PTPRC: variants seen among roughly 807,000 people sequenced by gnomAD.
The protein encoded by PTPRC is protein tyrosine phosphatase receptor type C.
PTPRC carries 44 observed loss-of-function variants against 155.9 expected under a neutral mutation model. The observed-to-expected ratio is 0.28, with a 90% CI of 0.22 to 0.36. The LOEUF is 0.36. Among genes scored for constraint, PTPRC ranks in the 10% least tolerant of loss-of-function variants. The pLI is 1.00. For synonymous variants in PTPRC, 525 were observed against 533.1 expected (o/e 0.98, Z 0.21); for missense variants, 1,401 against 1,564.6 (o/e 0.90, Z 1.76).
In PTPRC at chr1:198,689,384, A is replaced by T. The variant is rs61829747; in HGVS notation, c.74-2963A>T. Among the ~76,000 whole-genome samples the T allele has an allele frequency of 1.0e-2, 1,523 of 152,310 alleles. 14 individuals carry two copies. The highest frequency in any genetic ancestry group is 0.024 in the South Asian group (117 of 4,830). The stretch of plus-strand genomic sequence containing the variant: ...TTTTCTTCTCATTTCTGTGGTAAAC[A>T]GATGATGAATTATAATTTTCTTTTA... On this transcript the variant is annotated intron_variant, in intron 2 of 32. Transcript: ENST00000442510.
chr1:198,662,704 C>T (rs1017268734), intron 2 of PTPRC, among the ~76,000 whole-genome samples: 6 of 152,124 alleles, frequency 3.9e-5, no homozygotes, highest in African/African-American at 1.4e-4. Flanking sequence ...CCACTTTCCA[C>T]ACATTGACCA....
chr1:198,711,766 C>A (rs1653322517), intron 11 of PTPRC, among the ~76,000 whole-genome samples: 1 of 151,988 alleles, frequency 6.6e-6, no homozygotes, highest in Non-Finnish European at 1.5e-5. Flanking sequence ...CTTTCAGCTG[C>A]AAAATAAGGA....
In PTPRC at chr1:198,722,404, A is replaced by T; in HGVS notation, c.1660-12A>T. ...CAAACTAATTATTTTATTTTTTGTT[A>T]CTGAAATTCAGGCCTATTTTCACAA... On this transcript the variant is annotated splice_polypyrimidine_tract_variant and intron_variant, in intron 14 of 32. Transcript: ENST00000442510. 1 of 1,398,030 alleles carries T rather than the reference A, an allele frequency of 7.2e-7. No individual in the cohort carries two copies. The highest frequency in any genetic ancestry group is 1.8e-5 in the South Asian group (1 of 56,972). The allele number at this position is 1,398,030 out of a possible 1,614,324, so 86.6% of individuals were successfully genotyped here. A position where few individuals can be genotyped will look rare whatever the true frequency, so the allele number is the denominator to read the frequency against.
At position 198,749,529 on chromosome 1, in the gene PTPRC, A is replaced by C; in HGVS notation, c.3052A>C (p.Ile1018Leu). 1 of 1,611,028 alleles carries C rather than the reference A, an allele frequency of 6.2e-7. No homozygotes were observed. The highest frequency in any genetic ancestry group is 8.5e-7 in the Non-Finnish European group (1 of 1,178,216). ...TGATTCAGAGGAACCAAGCAAATAC[A>C]TCAATGCATCTTTTATAATGGTAGG... ...DSDSEEPSKY[I>L]NASFIMSYWK... Residue 1018 changes from isoleucine (I) to leucine (L), a missense_variant, in exon 28 of 33, where the codon ATC becomes CTC. Ile to Leu is a conservative substitution (Grantham distance 5). This residue lies in a region of PTPRC where 400 missense variants were observed against 389.5 expected (regional missense o/e 1.03). Coordinates refer to ENST00000442510, the MANE Select transcript of PTPRC (RefSeq NM_002838.5).
intron 2 of PTPRC, among the ~76,000 whole-genome samples, chr1:198,647,859 A>G (rs1260546372): frequency 1.3e-5 from 2 of 151,804 alleles, no homozygotes; most frequent in Non-Finnish European, 2.9e-5. Context: ...TGAAGCCCGT[A>G]TTTTCTATCA....
At chr1:198,738,647 A>G (rs995834484) in intron 23 of PTPRC, among the ~76,000 whole-genome samples, 1 of 151,682 alleles carries the variant, frequency 6.6e-6, no homozygotes, top group Non-Finnish European at 1.5e-5. Context: ...TTGGTATCAG[A>G]GTAATACTGG....
At chr1:198,694,620 T>C (rs1047878919) in intron 3 of PTPRC, 4 of 985,660 alleles carry the variant, frequency 4.1e-6, no homozygotes, top group African/African-American at 3.5e-5. Flanking sequence ...GACACCAGAA[T>C]TGGTTTAACC....
intron 28 of PTPRC, 31 bp downstream of exon 28, chr1:198,749,580 C>A (rs1446294885): frequency 1.9e-6 from 3 of 1,596,736 alleles, no homozygotes; most frequent in East Asian, 2.3e-5. Context: ...AACCCAAGAT[C>A]CAAACATTTT....
At chr1:198,719,292 T>C (rs965506862) in intron 14 of PTPRC, among the ~76,000 whole-genome samples, 23 of 152,140 alleles carry the variant, frequency 1.5e-4, no homozygotes, top group African/African-American at 5.3e-4. Flanking sequence ...TTTCTTTTAA[T>C]GAAGTTTCTT....
intron 2 of PTPRC, among the ~76,000 whole-genome samples, chr1:198,662,157 T>TAA (rs1664004934): frequency 6.6e-6 from 1 of 152,186 alleles, no homozygotes; most frequent in Non-Finnish European, 1.5e-5. Context: ...TATTGGCTAT[T>TAA]TTATTAATAG....
At chr1:198,693,828 C>A (rs914122510) in intron 3 of PTPRC, among the ~76,000 whole-genome samples, 8 of 152,102 alleles carry the variant, frequency 5.3e-5, no homozygotes, top group African/African-American at 1.9e-4. Flanking sequence ...TCTCTGAAAA[C>A]CTTTCTCCCT....
chr1:198,728,096 G>T (rs1242097656), intron 15 of PTPRC, among the ~76,000 whole-genome samples: 1 of 152,000 alleles, frequency 6.6e-6, no homozygotes, highest in Non-Finnish European at 1.5e-5. Flanking sequence ...TCAAAAGAAA[G>T]ATAATTATTC....
intron 17 of PTPRC, among the ~76,000 whole-genome samples, chr1:198,729,538 C>T (rs1392167589): frequency 2.0e-5 from 3 of 152,108 alleles, no homozygotes; most frequent in South Asian, 2.1e-4. Flanking sequence ...CCATTGCGCC[C>T]GTCCCCATTC....
At chr1:198,699,432 C>T (rs1666355959) in intron 4 of PTPRC, 132 bp from the exon 5 acceptor site, 1 of 1,095,360 alleles carries the variant, frequency 9.1e-7, no homozygotes, top group Non-Finnish European at 1.4e-6. Context: ...TACTGACAGA[C>T]ACATTTTAAC....
In PTPRC at chr1:198,639,138, G is replaced by A; in HGVS notation, c.-44+1G>A. On this transcript the variant is annotated splice_donor_variant, in intron 1 of 32. Coordinates refer to ENST00000442510, the MANE Select transcript of PTPRC (RefSeq NM_002838.5). LOFTEE classifies it low-confidence loss of function (5UTR_SPLICE). ...TCGTCTGATAAGACAACAGTGGAGA[G>A]TATGCATTTATTTATTTACTTTTAC... 1.3e-6 allele frequency: 1 copy of A among 765,830 alleles called. No homozygotes were observed. The highest frequency in any genetic ancestry group is 2.3e-6 in the Non-Finnish European group (1 of 429,214). The allele number at this position is 765,830 out of a possible 1,614,324, so 47.4% of individuals were successfully genotyped here.
At chr1:198,706,332 T>C (rs1558010885) in intron 8 of PTPRC, among the ~76,000 whole-genome samples, 1 of 152,206 alleles carries the variant, frequency 6.6e-6, no homozygotes, top group South Asian at 2.1e-4. Flanking sequence ...AACAAGAAAA[T>C]TATAAAGCAA....
At chr1:198,752,037 T>C (rs1655405608) in intron 29 of PTPRC, among the ~76,000 whole-genome samples, 1 of 152,058 alleles carries the variant, frequency 6.6e-6, no homozygotes, top group Admixed American at 6.6e-5. Context: ...TTCCCTTTTC[T>C]TACACAAGGA....
chr1:198,719,573 T>G (rs911774078), intron 14 of PTPRC, among the ~76,000 whole-genome samples: 10 of 152,100 alleles, frequency 6.6e-5, no homozygotes, highest in African/African-American at 2.2e-4. Context: ...TCATATTCTT[T>G]TTTTGTTTTG....
At chr1:198,754,657 T>C (rs1040425871) in intron 32 of PTPRC, among the ~76,000 whole-genome samples, 3 of 152,094 alleles carry the variant, frequency 2.0e-5, no homozygotes, top group African/African-American at 2.4e-5. Flanking sequence ...GAAGAGCCTT[T>C]CCCTAAATGC....
Sources: gnomAD v4.1 joint callset for allele counts (sites outside exome capture counted in the v4.1 genomes callset) on GRCh38, gnomAD v4.1.1 for gene constraint, gnomAD v4.1.1 regional missense constraint, MANE v1.5 for transcripts, NCBI Gene and HGNC (gene_info 2026-07-23, HGNC 2026-07-21) for gene names.